Variants in SLC9A9 observed in about 807,000 individuals in gnomAD.
SLC9A9 encodes sodium/hydrogen exchanger 9.
A neutral mutation model predicts 77.8 loss-of-function variants in SLC9A9; 62 were observed. That is an observed-to-expected ratio of 0.80 (90% CI 0.65 to 0.98). SLC9A9 has a LOEUF of 0.98. SLC9A9 is among the 50% of genes least tolerant of loss of function. The pLI is 0.00. For missense variants in SLC9A9, 775 were observed against 774.9 expected, an observed-to-expected ratio of 1.00 and a Z score of 0.00; for synonymous variants, 320 against 283.5, an observed-to-expected ratio of 1.13 and a Z score of -1.29.
chr3:143,492,835 A>C (rs907907421), intron 11 of SLC9A9, among the ~76,000 whole-genome samples: 1 of 152,186 alleles, frequency 6.6e-6, no homozygotes, highest in African/African-American at 2.4e-5. Flanking sequence ...GTAAACTCTC[A>C]TGTATCCCCC....
chr3:143,402,416 C>G (rs1576473592), intron 12 of SLC9A9, among the ~76,000 whole-genome samples: 1 of 147,902 alleles, frequency 6.8e-6, no homozygotes. Flanking sequence ...TGGCATTTCT[C>G]AAACTCTAGC....
chr3:143,825,194 A>G (rs1426181688), intron 2 of SLC9A9, among the ~76,000 whole-genome samples: 1 of 152,206 alleles, frequency 6.6e-6, no homozygotes, highest in Admixed American at 6.5e-5. Context: ...ATCCTCCCCA[A>G]GAGTGTCCTA....
At chr3:143,432,438 C>G (rs1349313311) in intron 12 of SLC9A9, among the ~76,000 whole-genome samples, 1 of 152,140 alleles carries the variant, frequency 6.6e-6, no homozygotes, top group Admixed American at 6.5e-5. Context: ...AAAATGAGAA[C>G]TGCAACACTG....
chr3:143,349,182 C>A (rs2032383692), intron 14 of SLC9A9, among the ~76,000 whole-genome samples: 1 of 152,300 alleles, frequency 6.6e-6, no homozygotes, highest in South Asian at 2.1e-4. Flanking sequence ...TTGTGAGGGA[C>A]ACTTAGCATT....
intron 1 of SLC9A9, chr3:143,847,688 A>G (rs996089407): frequency 1.2e-5 from 2 of 167,692 alleles, no homozygotes; most frequent in Non-Finnish European, 2.6e-5. Context: ...GGGTGGGGTT[A>G]GTTTCTGCAA....
In SLC9A9 at chr3:143,551,099, T is replaced by A. The variant is rs546976049; in HGVS notation, c.1089+1263A>T. On this transcript the variant is annotated intron_variant, in intron 9 of 15. Transcript: ENST00000316549. The stretch of plus-strand genomic sequence containing the variant: ...GAGGAAATTTGGTGGTAGACATGCA[T>A]GCAGGGAGAATGCTACATGAACACT... Among the ~76,000 whole-genome samples the A allele has an allele frequency of 8.5e-5, 13 of 152,230 alleles. No homozygotes were observed. In the East Asian group the frequency reaches 2.5e-3, roughly 30 times the overall value.
intron 14 of SLC9A9, among the ~76,000 whole-genome samples, chr3:143,291,295 T>C (rs1221832999): frequency 1.3e-5 from 2 of 152,200 alleles, no homozygotes; most frequent in Non-Finnish European, 2.9e-5. Flanking sequence ...CTCGTCGAAG[T>C]GCTAAGCCGA....
chr3:143,486,109 G>A (rs1043618657), intron 11 of SLC9A9, among the ~76,000 whole-genome samples: 6 of 152,004 alleles, frequency 3.9e-5, no homozygotes, highest in African/African-American at 1.4e-4. Context: ...AGGTCAGAAG[G>A]CAGTAAGCTG....
intron 2 of SLC9A9, among the ~76,000 whole-genome samples, chr3:143,803,154 G>C (rs1438386765): frequency 6.6e-6 from 1 of 152,050 alleles, no homozygotes; most frequent in Non-Finnish European, 1.5e-5. Context: ...TCCCCACTGG[G>C]TTCACCGTTC....
chr3:143,791,743 C>G (rs1304051923), intron 4 of SLC9A9, among the ~76,000 whole-genome samples: 1 of 152,176 alleles, frequency 6.6e-6, no homozygotes, highest in East Asian at 1.9e-4. Flanking sequence ...GATCTAACTT[C>G]TATTCTGAAT....
chr3:143,764,906 G>A (rs942947872), intron 4 of SLC9A9, among the ~76,000 whole-genome samples: 3 of 151,882 alleles, frequency 2.0e-5, no homozygotes, highest in African/African-American at 4.8e-5. Flanking sequence ...ATGTGTATGA[G>A]TCCATCACCA....
At chr3:143,763,487 A>G (rs899010481) in intron 4 of SLC9A9, among the ~76,000 whole-genome samples, 1 of 152,194 alleles carries the variant, frequency 6.6e-6, no homozygotes, top group Non-Finnish European at 1.5e-5. Flanking sequence ...AAAGAAAAGC[A>G]CAAGCCCCTT....
Position 143,693,199 on chromosome 3 carries a change from T to C in SLC9A9, c.642A>G (p.Thr214=), listed in dbSNP as rs1463724885. 6.2e-7 allele frequency: 1 copy of C among 1,611,156 alleles called. No individual in the cohort carries two copies. Among genetic ancestry groups the C allele is most frequent in the Admixed American group, 1.7e-5 (1 of 59,850 alleles). ...TATTATTTGAGCAATTACCTGGATC[T>C]GTAGCAGACATCAGTGAACCAAAAA... ...CLFFGSLMSA[T]DPVTVLAIFH... Residue 214 remains threonine, a synonymous_variant, in exon 5 of 16, where the codon ACA becomes ACG. Transcript: ENST00000316549.
intron 12 of SLC9A9, among the ~76,000 whole-genome samples, chr3:143,454,644 T>C (rs1317818753): frequency 6.6e-6 from 1 of 152,206 alleles, no homozygotes; most frequent in African/African-American, 2.4e-5. Flanking sequence ...TCTGGCATAA[T>C]GTGACTGGAT....
intron 12 of SLC9A9, among the ~76,000 whole-genome samples, chr3:143,410,491 T>C (rs1329036285): frequency 6.6e-6 from 1 of 152,226 alleles, no homozygotes; most frequent in Non-Finnish European, 1.5e-5. Context: ...CTTCGACTTC[T>C]CTTACTTCCT....
intron 5 of SLC9A9, among the ~76,000 whole-genome samples, chr3:143,687,741 T>TAA (rs5853123): frequency 3.1e-4 from 47 of 149,676 alleles, no homozygotes; most frequent in African/African-American, 9.3e-4. Context: ...TTTTGTCTGT[T>TAA]AAAAAAAAAA....
At chr3:143,517,811 G>A in intron 9 of SLC9A9, 1 of 1,600,164 alleles carries the variant, frequency 6.2e-7, no homozygotes. Context: ...CAGCTTGATG[G>A]CATCTGTGAA....
At chr3:143,284,861 TGGG>T (rs1938336848) in intron 14 of SLC9A9, among the ~76,000 whole-genome samples, 1 of 152,194 alleles carries the variant, frequency 6.6e-6, no homozygotes, top group Admixed American at 6.5e-5. Flanking sequence ...TCGTCGTTTA[TGGG>T]TAATCTTCCA....
At chr3:143,808,354 G>A (rs968195228) in intron 2 of SLC9A9, among the ~76,000 whole-genome samples, 2 of 152,178 alleles carry the variant, frequency 1.3e-5, no homozygotes, top group African/African-American at 4.8e-5. Context: ...AGCTGAAAAC[G>A]ATGATCTGCT....
Sources: gnomAD v4.1 joint callset for allele counts (sites outside exome capture counted in the v4.1 genomes callset) on GRCh38, gnomAD v4.1.1 for gene constraint, MANE v1.5 for transcripts, NCBI Gene and HGNC (gene_info 2026-07-23, HGNC 2026-07-21) for gene names.